The following RNF144B variants were observed in gnomAD, a reference collection of about 807,000 sequenced individuals.
RNF144B encodes ring finger protein 144B, also known as E3 ubiquitin-protein ligase RNF144B.
In RNF144B, 25 loss-of-function variants were observed where a neutral mutation model predicts 40.2. The ratio of observed to expected loss-of-function variants is 0.62; its 90% CI spans 0.45 to 0.87. The LOEUF (loss-of-function observed/expected upper bound fraction) is 0.87. Among genes scored for constraint, RNF144B ranks in the 40% least tolerant of loss-of-function variants. The pLI is 0.00. For synonymous variants in RNF144B, 145 were observed against 136.3 expected (o/e 1.06, Z -0.44); for missense variants, 365 against 373.7 (o/e 0.98, Z 0.19).
Position 18,387,557 on chromosome 6 carries a change from A to C in RNF144B, c.-110A>C, listed in dbSNP as rs1298176760. On this transcript the variant is annotated 5_prime_UTR_variant, in exon 1 of 8. Transcript: ENST00000259939. ...AAGAGCTCCTGTCCGGTGTGCCAGC[A>C]GCCCGGACTGGCGGTGAGCGCGAGG... 7.5e-7 allele frequency: 1 copy of C among 1,329,610 alleles called. No individual in the cohort carries two copies. The highest frequency in any genetic ancestry group is 2.0e-5 in the Admixed American group (1 of 48,992). 82.4% of individuals were successfully genotyped at this position (1,329,610 alleles called of 1,614,324 possible).
rs1759552618 is a variant in RNF144B at position 18,465,314 on chromosome 6, T to C, written c.*247T>C. 9 of 515,396 alleles carry C rather than the reference T, an allele frequency of 1.7e-5. No individual in the cohort carries two copies. The highest frequency in any genetic ancestry group is 3.1e-5 in the Non-Finnish European group (9 of 290,106). The allele number at this position is 515,396 out of a possible 1,614,324, so 31.9% of individuals were successfully genotyped here. A position where few individuals can be genotyped will look rare whatever the true frequency, so the allele number is the denominator to read the frequency against. On this transcript the variant is annotated 3_prime_UTR_variant, in exon 8 of 8. Coordinates refer to ENST00000259939, the MANE Select transcript of RNF144B (RefSeq NM_182757.4). ...TATGGAGCTTTGGGGTTCCTTGAGATGAATGAACATATCATTTTATCATCC... is the reference window on the plus strand; with the variant it reads ...TATGGAGCTTTGGGGTTCCTTGAGACGAATGAACATATCATTTTATCATCC...
In RNF144B at chr6:18,456,327, T is replaced by C. The variant is rs1759325216; in HGVS notation, c.332-828T>C. Among the ~76,000 whole-genome samples the C allele has an allele frequency of 6.6e-6, 1 of 152,256 alleles. No homozygotes were observed. The highest frequency in any genetic ancestry group is 2.4e-5 in the African/African-American group (1 of 41,478). ...TTCTTGGCTAAGCCACACCAGATAC[T>C]GTTTAATCCCTAAACTATTTGATTA... On this transcript the variant is annotated intron_variant, in intron 4 of 7. Transcript: ENST00000259939. This position sits in a 1 kb window ranked among gnomAD's most constrained non-coding sequence, Gnocchi z 4.7.
chr6:18,407,665 C>T lies in RNF144B; in HGVS notation c.165+7966C>T, dbSNP rs901905471. 2.6e-5 allele frequency among the ~76,000 whole-genome samples: 4 copies of T among 152,204 alleles called. No homozygotes were observed. The East Asian group carries it at 7.7e-4, about 29-fold the overall frequency. On this transcript the variant is annotated intron_variant, in intron 2 of 7. Coordinates refer to ENST00000259939, the MANE Select transcript of RNF144B (RefSeq NM_182757.4). ...TCTAACTATTAGCGTTACTTCCACT[C>T]TCTAAAATAAAATTGGTTAGAATCT... is the stretch of plus-strand genomic sequence containing the variant.
In RNF144B at chr6:18,443,465, T is replaced by C. The variant is rs2113519676; in HGVS notation, c.331+3721T>C. On this transcript the variant is annotated intron_variant, in intron 4 of 7. Coordinates refer to ENST00000259939, the MANE Select transcript of RNF144B (RefSeq NM_182757.4). This position sits in a 1 kb window ranked among gnomAD's most constrained non-coding sequence, Gnocchi z 4.7. ...TAGTAGAGATGGGGTTTCGACATGT[T>C]GGTCAGGCTGGTCTCGAAGTCCTAA... Among the ~76,000 whole-genome samples the C allele has an allele frequency of 6.6e-6, 1 of 152,240 alleles. No homozygotes were observed. The highest frequency in any genetic ancestry group is 3.4e-3 in the Middle Eastern group (1 of 294).
chr6:18,459,386 G>C lies in RNF144B; in HGVS notation c.537-221G>C, dbSNP rs941483876. ...GACAAAATAGTGAGTTAAATCAGTG[G>C]TGGAAACTGTAATTATATAATTCAC... On this transcript the variant is annotated intron_variant, in intron 5 of 7. Transcript: ENST00000259939. The surrounding 1 kb of genome is among the most constrained non-coding windows in gnomAD (Gnocchi z 4.2). 7.9e-5 allele frequency among the ~76,000 whole-genome samples: 11 copies of C among 138,770 alleles called. No homozygotes were observed. The highest frequency in any genetic ancestry group is 1.5e-4 in the Non-Finnish European group (9 of 60,564). 91.0% of individuals were successfully genotyped at this position (138,770 alleles called of 152,430 possible). A position where few individuals can be genotyped will look rare whatever the true frequency, so the allele number is the denominator to read the frequency against.
rs1452367781 is a variant in RNF144B at position 18,450,172 on chromosome 6, A to G, written c.332-6983A>G. 6.6e-6 allele frequency among the ~76,000 whole-genome samples: 1 copy of G among 152,146 alleles called. No homozygotes were observed. The highest frequency in any genetic ancestry group is 2.4e-5 in the African/African-American group (1 of 41,428). ...ACTTTCCCAGACTTGTCTGTGCTGGATGCAGGTTTTATATTAATGTATTGA... is the reference window on the plus strand; with the variant it reads ...ACTTTCCCAGACTTGTCTGTGCTGGGTGCAGGTTTTATATTAATGTATTGA... On this transcript the variant is annotated intron_variant, in intron 4 of 7. Transcript: ENST00000259939. The surrounding 1 kb of genome is among the most constrained non-coding windows in gnomAD (Gnocchi z 4.7).
Position 18,450,893 on chromosome 6 carries a change from A to G in RNF144B, c.332-6262A>G, listed in dbSNP as rs1180769893. Among the ~76,000 whole-genome samples, 1 of 152,150 alleles carries G rather than the reference A, an allele frequency of 6.6e-6. No homozygotes were observed. The highest frequency in any genetic ancestry group is 1.5e-5 in the Non-Finnish European group (1 of 68,026). On this transcript the variant is annotated intron_variant, in intron 4 of 7. Coordinates refer to ENST00000259939, the MANE Select transcript of RNF144B (RefSeq NM_182757.4). The surrounding 1 kb of genome is among the most constrained non-coding windows in gnomAD (Gnocchi z 4.7). Reference sequence around the variant, plus strand: ...TGATATGGTGCTTTATCTCTTTGTAATCTAATGTCATTGTGTTTTGTCTCA... The same window carrying G: ...TGATATGGTGCTTTATCTCTTTGTAGTCTAATGTCATTGTGTTTTGTCTCA...
chr6:18,426,651 CT>C (rs1432554147), intron 2 of RNF144B, among the ~76,000 whole-genome samples: 2 of 151,722 alleles, frequency 1.3e-5, no homozygotes, highest in East Asian at 1.9e-4. Context: ...CTCTGGGCTT[CT>C]TTTTTTCTAT....
chr6:18,423,238 T>C (rs1758471748), intron 2 of RNF144B, among the ~76,000 whole-genome samples: 1 of 152,168 alleles, frequency 6.6e-6, no homozygotes, highest in East Asian at 1.9e-4. Context: ...ATGAGAGCAC[T>C]GTAGCTAGAG....
At chr6:18,461,874 A>G (rs1759463304) in intron 6 of RNF144B, among the ~76,000 whole-genome samples, 1 of 152,162 alleles carries the variant, frequency 6.6e-6, no homozygotes, top group Admixed American at 6.5e-5. Flanking sequence ...GACACCAAAC[A>G]GGAATTTTGA....
rs1457170247 is a variant in RNF144B at position 18,395,625 on chromosome 6, T to A, written c.-36-3874T>A. 1.3e-5 allele frequency among the ~76,000 whole-genome samples: 2 copies of A among 152,182 alleles called. No homozygotes were observed. Among genetic ancestry groups the A allele is most frequent in the Non-Finnish European group, 2.9e-5 (2 of 68,034 alleles). On this transcript the variant is annotated intron_variant, in intron 1 of 7. Transcript: ENST00000259939. The surrounding 1 kb of genome is among the most constrained non-coding windows in gnomAD (Gnocchi z 4.5). ...GCTCACTGCATTTCATTCATTTTTT[T>A]AACTATCCATTGTTGGTTTTGCCCA...
intron 2 of RNF144B, 29 bp from the exon 3 acceptor site, chr6:18,427,552 G>A (rs1357691773): frequency 2.0e-6 from 3 of 1,496,538 alleles, no homozygotes; most frequent in East Asian, 4.5e-5. Context: ...AATGGAATGG[G>A]CAATTGTCTT....
At chr6:18,436,156 A>T (rs1758820120) in intron 3 of RNF144B, among the ~76,000 whole-genome samples, 1 of 152,184 alleles carries the variant, frequency 6.6e-6, no homozygotes, top group African/African-American at 2.4e-5. Context: ...CTTGCCAAAA[A>T]TTCATAACCT....
intron 4 of RNF144B, among the ~76,000 whole-genome samples, chr6:18,455,569 G>A (rs911664630): frequency 3.0e-4 from 46 of 152,228 alleles, no homozygotes; most frequent in African/African-American, 2.6e-4. Flanking sequence ...GCCCTAGGAC[G>A]TTTAAAACTA....
intron 4 of RNF144B, among the ~76,000 whole-genome samples, chr6:18,455,324 A>G (rs1431413828): frequency 6.6e-6 from 1 of 152,170 alleles, no homozygotes; most frequent in Non-Finnish European, 1.5e-5. Flanking sequence ...CCATATATTT[A>G]AGGATGCAAT....
In RNF144B at chr6:18,398,404, T is replaced by TTA. The variant is rs1373249542; in HGVS notation, c.-36-1094_-36-1093insAT. Among the ~76,000 whole-genome samples, 4 of 152,236 alleles carry TTA rather than the reference T, an allele frequency of 2.6e-5. No individual in the cohort carries two copies. Among genetic ancestry groups the TTA allele is most frequent in the African/African-American group, 9.6e-5 (4 of 41,540 alleles). Reference sequence around the variant, plus strand: ...ATTTTTTATTTTTTGAGACGTTTCATTCTGTCACCCAGGCTGGAGTGTGGT... The same window carrying TTA: ...ATTTTTTATTTTTTGAGACGTTTCATTATCTGTCACCCAGGCTGGAGTGTGGT... On this transcript the variant is annotated intron_variant, in intron 1 of 7. Transcript: ENST00000259939. The surrounding 1 kb of genome is among the most constrained non-coding windows in gnomAD (Gnocchi z 5.0).
rs183320390 is a variant in RNF144B, at chr6:18,397,225, G to A, written c.-36-2274G>A. ...TATTTTTTTCCTTTTCTATCTAATC[G>A]AATTTGATTTTCCCCTACTTGTTTT... On this transcript the variant is annotated intron_variant, in intron 1 of 7. Coordinates refer to ENST00000259939, the MANE Select transcript of RNF144B (RefSeq NM_182757.4). 1.2e-4 allele frequency among the ~76,000 whole-genome samples: 19 copies of A among 152,194 alleles called. No individual in the cohort carries two copies. The East Asian group carries it at 2.3e-3, about 19-fold the overall frequency.
rs1406691170 is a variant in RNF144B, at chr6:18,439,719, T to C, written c.306T>C (p.Leu102=). Residue 102 remains leucine (L), a synonymous_variant, in exon 4 of 8, where the codon CTT becomes CTC. Coordinates refer to ENST00000259939, the MANE Select transcript of RNF144B (RefSeq NM_182757.4). ...ACLVPVDQFQ[L]YQRLKFEREV... Reference sequence around the variant, plus strand: ...TGGTACCTGTGGACCAGTTTCAACTTTATCAGAGGTTAAAATTTGAAAGAG... The same window carrying C: ...TGGTACCTGTGGACCAGTTTCAACTCTATCAGAGGTTAAAATTTGAAAGAG... 1.2e-6 allele frequency: 2 copies of C among 1,612,240 alleles called. No homozygotes were observed. Among genetic ancestry groups the C allele is most frequent in the African/African-American group, 2.7e-5 (2 of 74,902 alleles).
intron 2 of RNF144B, among the ~76,000 whole-genome samples, chr6:18,409,055 T>G (rs1794975912): frequency 2.6e-5 from 4 of 152,036 alleles, no homozygotes. Context: ...TTAAGTGTGT[T>G]ATATTCCTGC....
Sources: allele counts gnomAD v4.1 joint callset (sites outside exome capture counted in the v4.1 genomes callset), GRCh38; gene constraint gnomAD v4.1.1; non-coding constraint Gnocchi (gnomAD v3.1); transcripts MANE v1.5; gene names NCBI Gene and HGNC (gene_info 2026-07-23, HGNC 2026-07-21).